Variants in KLRG1 observed in about 807,000 individuals in gnomAD.
KLRG1 encodes killer cell lectin-like receptor subfamily G member 1.
KLRG1 carries 16 observed loss-of-function variants against 21.8 expected under a neutral mutation model. The observed-to-expected ratio is 0.73, with a 90% CI of 0.50 to 1.11. The LOEUF is 1.11. KLRG1 is among the 50% of genes most tolerant of loss of function. KLRG1 has a pLI of 0.00. For synonymous variants in KLRG1, 69 were observed against 75.9 expected (o/e 0.91, Z 0.47); for missense variants, 173 against 218.3 (o/e 0.79, Z 1.31).
At chr12:8,979,935 C>T (rs1486971108) in intron 1 of KLRG1, among the ~76,000 whole-genome samples, 1 of 152,020 alleles carries the variant, frequency 6.6e-6, no homozygotes. Context: ...GAGTTTTGCT[C>T]TGTTGCCCAG....
At chr12:8,973,561 T>C (rs771236621) in intron 1 of KLRG1, among the ~76,000 whole-genome samples, 98 of 152,242 alleles carry the variant, frequency 6.4e-4, no homozygotes, top group Non-Finnish European at 1.3e-3. Flanking sequence ...TGCCTTGATC[T>C]TGGACTTCCA....
the KLRG1 span, among the ~76,000 whole-genome samples, chr12:9,021,801 C>T: frequency 6.6e-6 from 1 of 152,160 alleles, no homozygotes; most frequent in Non-Finnish European, 1.5e-5. Context: ...CATCTTGTCC[C>T]ACTGGAAGGC....
intron 1 of KLRG1, among the ~76,000 whole-genome samples, chr12:8,962,133 A>G (rs1308197476): frequency 6.6e-6 from 1 of 152,020 alleles, no homozygotes; most frequent in African/African-American, 2.4e-5. Flanking sequence ...TAACAAGGAG[A>G]AAAAAAATTA....
the KLRG1 span, among the ~76,000 whole-genome samples, chr12:9,127,069 C>A: frequency 6.6e-6 from 1 of 152,180 alleles, no homozygotes; most frequent in Non-Finnish European, 1.5e-5. Flanking sequence ...CTTGTTCTCA[C>A]CTTCTTCCTA....
At chr12:9,002,403 C>T (rs373635619) in intron 3 of KLRG1, among the ~76,000 whole-genome samples, 4 of 151,988 alleles carry the variant, frequency 2.6e-5, no homozygotes, top group Non-Finnish European at 5.9e-5. Context: ...AAAAAGTGCC[C>T]TTGATTTTAT....
chr12:8,992,862 C>A (rs1947015015), intron 2 of KLRG1, among the ~76,000 whole-genome samples: 1 of 151,966 alleles, frequency 6.6e-6, no homozygotes, highest in South Asian at 2.1e-4. Context: ...GAACTGCAGT[C>A]AAGTCCTCTT....
At chr12:9,037,688 G>A in the KLRG1 span, among the ~76,000 whole-genome samples, 2 of 152,118 alleles carry the variant, frequency 1.3e-5, no homozygotes, top group African/African-American at 4.8e-5. Context: ...GCCCTATCGA[G>A]GTGTACCATT....
At chr12:9,004,670 A>G (rs1446956854) in intron 3 of KLRG1, among the ~76,000 whole-genome samples, 1 of 152,066 alleles carries the variant, frequency 6.6e-6, no homozygotes, top group African/African-American at 2.4e-5. Context: ...TCGTAAAGAT[A>G]GAGTGTTACT....
intron 1 of KLRG1, among the ~76,000 whole-genome samples, chr12:8,952,846 C>T (rs762855585): frequency 3.3e-5 from 5 of 152,122 alleles, no homozygotes; most frequent in African/African-American, 9.7e-5. Flanking sequence ...TAGTTACTTC[C>T]GATTTCCCAA....
chr12:9,077,734 C>T, the KLRG1 span: 9 of 1,614,148 alleles, frequency 5.6e-6, no homozygotes, highest in South Asian at 5.5e-5. Flanking sequence ...ACCCAGAGCT[C>T]CTGAAACAGC....
chr12:9,123,501 C>T, the KLRG1 span, among the ~76,000 whole-genome samples: 1 of 152,170 alleles, frequency 6.6e-6, no homozygotes, highest in East Asian at 1.9e-4. Context: ...AGCATGGATA[C>T]GCTGGAGAAA....
the KLRG1 span, among the ~76,000 whole-genome samples, chr12:9,079,077 T>C: frequency 1.3e-5 from 2 of 152,034 alleles, no homozygotes; most frequent in Non-Finnish European, 2.9e-5. Flanking sequence ...TATTTGGATA[T>C]CAGGTTTTCT....
the KLRG1 span, among the ~76,000 whole-genome samples, chr12:9,114,252 T>C: frequency 1.3e-5 from 2 of 152,240 alleles, no homozygotes; most frequent in African/African-American, 2.4e-5. Context: ...ACAGAAACTT[T>C]CTCAGTACCC....
the KLRG1 span, chr12:9,192,609 C>T: frequency 1.2e-6 from 2 of 1,614,176 alleles, no homozygotes; most frequent in African/African-American, 1.3e-5. Flanking sequence ...GGGCAGGGTA[C>T]CAGCCACAGG....
the KLRG1 span, among the ~76,000 whole-genome samples, chr12:9,161,993 A>G: frequency 3.3e-5 from 5 of 151,130 alleles, no homozygotes; most frequent in African/African-American, 1.2e-4. Context: ...TAAGAGTCTC[A>G]CTCTGTTGCC....
chr12:9,151,198 C>G, the KLRG1 span, among the ~76,000 whole-genome samples: 1 of 152,132 alleles, frequency 6.6e-6, no homozygotes, highest in African/African-American at 2.4e-5. Context: ...TAGGCAACCA[C>G]TGGGGTCATA....
chr12:8,976,270 C>A (rs897766611), intron 1 of KLRG1, among the ~76,000 whole-genome samples: 3 of 152,060 alleles, frequency 2.0e-5, no homozygotes, highest in Non-Finnish European at 2.9e-5. Context: ...TGTGGATCTT[C>A]TCATTTTATT....
chr12:9,197,966 T>A, the KLRG1 span, among the ~76,000 whole-genome samples: 6 of 134,652 alleles, frequency 4.5e-5, no homozygotes, highest in Admixed American at 1.8e-4. Context: ...ATTTATATAT[T>A]ATATATTAAT....
the KLRG1 span, among the ~76,000 whole-genome samples, chr12:9,052,645 T>C: frequency 6.6e-5 from 10 of 152,334 alleles, no homozygotes; most frequent in East Asian, 1.9e-3. Flanking sequence ...GTCTCCTTCC[T>C]CACAGCTGAG....
Sources: gnomAD v4.1 joint callset for allele counts (sites outside exome capture counted in the v4.1 genomes callset) on GRCh38, gnomAD v4.1.1 for gene constraint, MANE v1.5 for transcripts, NCBI Gene and HGNC (gene_info 2026-07-23, HGNC 2026-07-21) for gene names.